B4GALT6: variants seen among roughly 807,000 people sequenced by gnomAD.
B4GALT6 encodes the protein UDP-Gal:beta-GlcNAc beta-1,4-galactosyltransferase 6.
In B4GALT6, 14 loss-of-function variants were observed where a neutral mutation model predicts 46.3. The ratio of observed to expected loss-of-function variants is 0.30; its 90% CI spans 0.20 to 0.47. The LOEUF (loss-of-function observed/expected upper bound fraction) is 0.47, where lower values mean the gene tolerates loss of function less well. Ranked by LOEUF, B4GALT6 falls within the 20% of genes least tolerant of loss-of-function variation. The pLI, the probability that B4GALT6 is intolerant of heterozygous loss-of-function variation, is 0.99. For synonymous variants in B4GALT6, 168 were observed against 162.0 expected (o/e 1.04, Z -0.28); for missense variants, 386 against 480.1 (o/e 0.80, Z 1.83).
At chr18:31,713,256 G>A in the B4GALT6 span, among the ~76,000 whole-genome samples, 6 of 152,222 alleles carry the variant, frequency 3.9e-5, no homozygotes, top group Non-Finnish European at 7.3e-5. Context: ...GGAGGCCAAC[G>A]TGGGAGGATG....
At chr18:31,698,198 A>C in the B4GALT6 span, among the ~76,000 whole-genome samples, 1 of 152,172 alleles carries the variant, frequency 6.6e-6, no homozygotes, top group African/African-American at 2.4e-5. Context: ...TATTTAATTC[A>C]ATTATTGCCT....
the B4GALT6 span, among the ~76,000 whole-genome samples, chr18:31,709,601 GTGTATA>G: frequency 4.1e-4 from 56 of 136,084 alleles, no homozygotes; most frequent in African/African-American, 1.3e-3. Context: ...GTGTGTGTGT[GTGTATA>G]TATATATCCT....
rs1216625217 is a variant in B4GALT6, at chr18:31,623,935, G to C, written c.*1679C>G. ...ATTATCCAAACGTTTCTCATATATA[G>C]ATTTCTATTGCTCATCATTGTTGTT... On this transcript the variant is annotated 3_prime_UTR_variant, in exon 9 of 9. Transcript: ENST00000306851. 1 of 151,916 alleles carries C rather than the reference G, an allele frequency of 6.6e-6. No homozygotes were observed. Among genetic ancestry groups the C allele is most frequent in the East Asian group, 1.9e-4 (1 of 5,204 alleles). 9.4% of individuals were successfully genotyped at this position (151,916 alleles called of 1,614,324 possible).
the B4GALT6 span, among the ~76,000 whole-genome samples, chr18:31,692,220 T>TA: frequency 6.6e-6 from 1 of 152,194 alleles, no homozygotes; most frequent in African/African-American, 2.4e-5. Flanking sequence ...TGGTTATATA[T>TA]TTAGTAGTCA....
chr18:31,634,369 T>G (rs941041939), intron 5 of B4GALT6, among the ~76,000 whole-genome samples: 3 of 152,216 alleles, frequency 2.0e-5, no homozygotes, highest in Non-Finnish European at 4.4e-5. Context: ...AGTCAAACTT[T>G]TAAACAATCT....
upstream of B4GALT6, among the ~76,000 whole-genome samples, chr18:31,690,507 T>C (rs1166774322): frequency 6.6e-6 from 1 of 151,770 alleles, no homozygotes; most frequent in Non-Finnish European, 1.5e-5. Context: ...TTCACTCTTG[T>C]CGCACAGGCT....
At chr18:31,670,755 GTCT>G (rs2074342706) in intron 1 of B4GALT6, among the ~76,000 whole-genome samples, 1 of 152,130 alleles carries the variant, frequency 6.6e-6, no homozygotes, top group Non-Finnish European at 1.5e-5. Flanking sequence ...AAAATGTAAT[GTCT>G]TTTTTTTATT....
At chr18:31,659,464 C>T (rs774758687) in intron 2 of B4GALT6, among the ~76,000 whole-genome samples, 3 of 152,140 alleles carry the variant, frequency 2.0e-5, no homozygotes, top group South Asian at 4.1e-4. Flanking sequence ...GGCCCTGCCA[C>T]GGCTGCTAAG....
rs2073626743 is a variant in B4GALT6 at position 31,622,383 on chromosome 18, TAAATA to T, written c.*3226_*3230del. 1 of 152,072 alleles carries T rather than the reference TAAATA, an allele frequency of 6.6e-6. No homozygotes were observed. The highest frequency in any genetic ancestry group is 2.4e-5 in the African/African-American group (1 of 41,458). The allele number at this position is 152,072 out of a possible 1,614,324, so 9.4% of individuals were successfully genotyped here. ...TTTATGTAGAAGCCTTTCATCTAAATAAATAAAATAATCTTAAGTACACTTCCTCT... is the reference window on the plus strand; with the variant it reads ...TTTATGTAGAAGCCTTTCATCTAAATAAATAATCTTAAGTACACTTCCTCT... On this transcript the variant is annotated 3_prime_UTR_variant, in exon 9 of 9. Coordinates refer to ENST00000306851, the MANE Select transcript of B4GALT6 (RefSeq NM_004775.5).
intron 1 of B4GALT6, among the ~76,000 whole-genome samples, chr18:31,673,427 G>A (rs1182846497): frequency 6.6e-6 from 1 of 152,174 alleles, no homozygotes; most frequent in East Asian, 1.9e-4. Flanking sequence ...GACACCCAGG[G>A]CATGCCCAGG....
Position 31,657,956 on chromosome 18 carries a change from A to G in B4GALT6, c.346+20T>C. ...TGTAACACAAGTAAACAGTTAAGTC[A>G]AAATTAGATGACGACTTACGCATAT... On this transcript the variant is annotated intron_variant, in intron 3 of 8. Transcript: ENST00000306851. The G allele has an allele frequency of 6.3e-7, 1 of 1,577,728 alleles. No individual in the cohort carries two copies. Among genetic ancestry groups the G allele is most frequent in the South Asian group, 1.1e-5 (1 of 89,702 alleles).
At chr18:31,640,443 T>C (rs1399898465) in intron 4 of B4GALT6, among the ~76,000 whole-genome samples, 2 of 152,208 alleles carry the variant, frequency 1.3e-5, no homozygotes, top group Admixed American at 6.5e-5. Flanking sequence ...GAACAAAAAA[T>C]GATTTAGTAA....
the B4GALT6 span, among the ~76,000 whole-genome samples, chr18:31,716,918 G>A: frequency 6.6e-6 from 1 of 152,134 alleles, no homozygotes; most frequent in African/African-American, 2.4e-5. Flanking sequence ...CGGCCAACAT[G>A]GTGAAACCCC....
chr18:31,715,225 A>G, the B4GALT6 span, among the ~76,000 whole-genome samples: 2 of 151,678 alleles, frequency 1.3e-5, no homozygotes, highest in South Asian at 4.2e-4. Flanking sequence ...TTTATTATTT[A>G]TTCATTCATT....
intron 1 of B4GALT6, among the ~76,000 whole-genome samples, chr18:31,667,016 T>G (rs969919317): frequency 1.3e-5 from 2 of 152,240 alleles, no homozygotes; most frequent in African/African-American, 4.8e-5. Flanking sequence ...TCAATTTAAT[T>G]ATTCACAATA....
rs1213017630 is a variant in B4GALT6 at position 31,624,585 on chromosome 18, T to C, written c.*1029A>G. 6.6e-6 allele frequency: 1 copy of C among 152,056 alleles called. No individual in the cohort carries two copies. Among genetic ancestry groups the C allele is most frequent in the Admixed American group, 6.5e-5 (1 of 15,274 alleles). The allele number at this position is 152,056 out of a possible 1,614,324, so 9.4% of individuals were successfully genotyped here. A position where few individuals can be genotyped will look rare whatever the true frequency, so the allele number is the denominator to read the frequency against. On this transcript the variant is annotated 3_prime_UTR_variant, in exon 9 of 9. Coordinates refer to ENST00000306851, the MANE Select transcript of B4GALT6 (RefSeq NM_004775.5). Reference sequence around the variant, plus strand: ...TCTAATAGTATAATTCATTTGTATATTATAAGTACTATTGGGTTTTCTTCC... The same window carrying C: ...TCTAATAGTATAATTCATTTGTATACTATAAGTACTATTGGGTTTTCTTCC...
At chr18:31,713,721 G>T in the B4GALT6 span, among the ~76,000 whole-genome samples, 2 of 152,248 alleles carry the variant, frequency 1.3e-5, no homozygotes, top group East Asian at 1.9e-4. Context: ...TCATAAAGAT[G>T]AAACCGAATT....
chr18:31,645,258 G>T, intron 4 of B4GALT6, 97 bp downstream of exon 4: 2 of 1,494,276 alleles, frequency 1.3e-6, no homozygotes, highest in East Asian at 2.3e-5. Flanking sequence ...AATTTATCAA[G>T]ACTTAAAGAC....
In B4GALT6 at chr18:31,662,182, C is replaced by T. The variant is rs187863885; in HGVS notation, c.232+4074G>A. Among the ~76,000 whole-genome samples the T allele has an allele frequency of 1.3e-4, 20 of 152,288 alleles. No individual in the cohort carries two copies. In the South Asian group the frequency reaches 2.5e-3, roughly 19 times the overall value. On this transcript the variant is annotated intron_variant, in intron 2 of 8. Coordinates refer to ENST00000306851, the MANE Select transcript of B4GALT6 (RefSeq NM_004775.5). ...GTTTTTAAAGAACCACATTTAAGTG[C>T]CTTCAAGTTACGCAATATCATTATA...
Sources: allele counts gnomAD v4.1 joint callset (sites outside exome capture counted in the v4.1 genomes callset), GRCh38; gene constraint gnomAD v4.1.1; transcripts MANE v1.5; gene names NCBI Gene and HGNC (gene_info 2026-07-23, HGNC 2026-07-21).